KARS1: variants seen among roughly 807,000 people sequenced by gnomAD.
The protein encoded by KARS1 is lysine--tRNA ligase.
Under a neutral mutation model 63.9 loss-of-function variants are expected in KARS1, and 50 were observed. The ratio of observed to expected loss-of-function variants is 0.78; its 90% CI spans 0.62 to 0.99. The LOEUF (loss-of-function observed/expected upper bound fraction) is 0.99, where lower values mean the gene tolerates loss of function less well. KARS1 is among the 50% of genes least tolerant of loss of function. The pLI is 0.00. For missense variants in KARS1, 816 were observed against 754.5 expected, an observed-to-expected ratio of 1.08 and a Z score of -0.95; for synonymous variants, 320 against 264.6, an observed-to-expected ratio of 1.21 and a Z score of -2.03.
intron 3 of KARS1, among the ~76,000 whole-genome samples, chr16:75,639,317 A>G (rs2082197110): frequency 6.6e-6 from 1 of 152,038 alleles, no homozygotes; most frequent in African/African-American, 2.4e-5. Context: ...CACGCCTGTA[A>G]TCCCAGCACT....
At chr16:75,645,831 C>T (rs911542619) in intron 1 of KARS1, among the ~76,000 whole-genome samples, 13 of 126,464 alleles carry the variant, frequency 1.0e-4, no homozygotes, top group African/African-American at 3.6e-4. Context: ...GGGGCAACAA[C>T]GACTCTGCCT....
At chr16:75,635,496 G>C (rs1437735195) in intron 6 of KARS1, 184 bp downstream of exon 6, 1 of 692,052 alleles carries the variant, frequency 1.4e-6, no homozygotes, top group Non-Finnish European at 2.6e-6. Flanking sequence ...CATTATCTTG[G>C]AAGTCAGGTC....
At chr16:75,639,335 G>T (rs973101923) in intron 3 of KARS1, among the ~76,000 whole-genome samples, 2 of 152,050 alleles carry the variant, frequency 1.3e-5, no homozygotes, top group South Asian at 2.1e-4. Context: ...ACTTTGGGAA[G>T]CCGAGGCAGG....
In KARS1 at chr16:75,644,263, A is replaced by G. The variant is rs769942498; in HGVS notation, c.63-2540T>C. 12 of 1,583,340 alleles carry G rather than the reference A, an allele frequency of 7.6e-6. 1 individual carries two copies. The highest frequency in any genetic ancestry group is 5.5e-5 in the Admixed American group (3 of 55,026). ...ATAATTTTTGCTTCCAGAGCAATAA[A>G]GAAGGTAATGGGCACCAACCTTCTT... On this transcript the variant is annotated intron_variant, in intron 1 of 13. Coordinates refer to ENST00000302445, the MANE Select transcript of KARS1 (RefSeq NM_005548.3).
At position 75,647,635 on chromosome 16, in the gene KARS1, G is replaced by A. The variant is rs773811440; in HGVS notation, c.5C>T (p.Ala2Val). 15 of 1,613,656 alleles carry A rather than the reference G, an allele frequency of 9.3e-6. No individual in the cohort carries two copies. Among genetic ancestry groups the A allele is most frequent in the Admixed American group, 3.3e-5 (2 of 59,988 alleles). Residue 2 changes from alanine to valine, a missense_variant, in exon 1 of 14, where the codon GCG (alanine) becomes GTG (valine). By Grantham distance (64) the Ala-to-Val change is moderately conservative. Transcript: ENST00000302445. The stretch of plus-strand genomic sequence containing the variant: ...TTTCACCTCGGCCGCCTGCACGGCC[G>A]CCATCTTCCCGGAGGGCCCGACCCA... M[A>V]AVQAAEVKVD...
At chr16:75,635,851 A>C in intron 5 of KARS1, 46 bp from the exon 6 acceptor site, 1 of 1,614,172 alleles carries the variant, frequency 6.2e-7, no homozygotes, top group East Asian at 2.2e-5. Context: ...GTCTGATCCA[A>C]AGGTATGATA....
At chr16:75,628,298 G>A (rs1597161409) in intron 13 of KARS1, among the ~76,000 whole-genome samples, 1 of 152,210 alleles carries the variant, frequency 6.6e-6, no homozygotes, top group Admixed American at 6.5e-5. Context: ...TCATAAGGCT[G>A]ACTTAATTAG....
intron 1 of KARS1, chr16:75,644,518 C>CA (rs779557874): frequency 7.8e-7 from 1 of 1,289,258 alleles, no homozygotes; most frequent in Non-Finnish European, 1.1e-6. Context: ...TACATATACC[C>CA]AACCAACTCT....
chr16:75,629,032 T>G, intron 12 of KARS1: 1 of 470,850 alleles, frequency 2.1e-6, no homozygotes, highest in Non-Finnish European at 3.9e-6. Context: ...CTTTCTCCCA[T>G]TTCCTGAAAA....
intron 7 of KARS1, among the ~76,000 whole-genome samples, chr16:75,633,702 A>T (rs188708427): frequency 2.0e-4 from 31 of 152,112 alleles, no homozygotes; most frequent in Non-Finnish European, 3.8e-4. Context: ...ATTTTTGTAG[A>T]CACTGGGTTT....
At chr16:75,634,383 T>C (rs573478004) in intron 6 of KARS1, 91 bp from the exon 7 acceptor site, 2 of 1,320,638 alleles carry the variant, frequency 1.5e-6, no homozygotes, top group South Asian at 2.4e-5. Context: ...CTAAGCCTGT[T>C]ATACCCCAAA....
chr16:75,636,364 A>T, intron 4 of KARS1, 90 bp downstream of exon 4: 1 of 931,086 alleles, frequency 1.1e-6, no homozygotes, highest in Non-Finnish European at 1.8e-6. Flanking sequence ...TTCTTACTCT[A>T]ACTTCAAATA....
At chr16:75,628,176 G>A (rs1004159858) in intron 13 of KARS1, among the ~76,000 whole-genome samples, 183 bp from the exon 14 acceptor site, 1 of 152,162 alleles carries the variant, frequency 6.6e-6, no homozygotes, top group Non-Finnish European at 1.5e-5. Flanking sequence ...AGATGACAAA[G>A]AACAAATGCA....
chr16:75,646,616 G>A (rs550875300), intron 1 of KARS1, among the ~76,000 whole-genome samples: 73 of 152,126 alleles, frequency 4.8e-4, no homozygotes, highest in African/African-American at 1.3e-3. Context: ...AACTCCTTGG[G>A]GAAAGCGATG....
intron 7 of KARS1, among the ~76,000 whole-genome samples, chr16:75,632,940 T>C (rs2082127864): frequency 6.6e-6 from 1 of 152,152 alleles, no homozygotes; most frequent in South Asian, 2.1e-4. Context: ...ATAGGGTAAA[T>C]ACTACGGAAA....
intron 3 of KARS1, among the ~76,000 whole-genome samples, chr16:75,637,241 T>A (rs939411383): frequency 6.6e-6 from 1 of 151,766 alleles, no homozygotes; most frequent in Non-Finnish European, 1.5e-5. Context: ...GGGAAGACGT[T>A]GCCAAGGACC....
intron 1 of KARS1, among the ~76,000 whole-genome samples, chr16:75,643,656 G>T (rs1385740394): frequency 3.9e-5 from 6 of 152,182 alleles, no homozygotes; most frequent in African/African-American, 1.4e-4. Flanking sequence ...TGGGATTACA[G>T]GCGTGAGCCA....
In KARS1 at chr16:75,627,895, C is replaced by T. The variant is rs781705880; in HGVS notation, c.1794G>A (p.Ter598=). 8.4e-6 allele frequency: 13 copies of T among 1,542,548 alleles called. No homozygotes were observed. In the East Asian group the frequency reaches 2.5e-4, roughly 29 times the overall value. The change falls in exon 14 of 14, where the codon TAG becomes TAA. Residue 598 remains the stop codon, a stop_retained_variant. Transcript: ENST00000302445. ...TTATACAACTTGCAATTATTATTTT[C>T]TAGACAGAAGTGCCAACTGTTGTGC... ...LESTTVGTSV[*]
In KARS1 at chr16:75,628,653, C is replaced by G. The variant is rs777264865; in HGVS notation, c.1611G>C (p.Leu537=). The G allele has an allele frequency of 7.4e-6, 12 of 1,613,976 alleles. No individual in the cohort carries two copies. In the Admixed American group the frequency reaches 1.2e-4, roughly 16 times the overall value. Reference sequence around the variant, plus strand: ...CAGCTGTGGGGGGCAGCCCATATTCCAGGGCAGTACAGAAGTTTTCATCTA... The same window carrying G: ...CAGCTGTGGGGGGCAGCCCATATTCGAGGGCAGTACAGAAGTTTTCATCTA... ...MFIDENFCTA[L]EYGLPPTAGW... The change falls in exon 13 of 14, where the codon CTG becomes CTC. Residue 537 remains leucine (L), a synonymous_variant. Transcript: ENST00000302445.
Sources: allele counts gnomAD v4.1 joint callset (sites outside exome capture counted in the v4.1 genomes callset), GRCh38; gene constraint gnomAD v4.1.1; transcripts MANE v1.5; gene names NCBI Gene and HGNC (gene_info 2026-07-23, HGNC 2026-07-21).